The following RORA variants were observed in gnomAD, a reference collection of about 807,000 sequenced individuals.
RORA encodes RAR related orphan receptor A.
RORA carries 7 observed loss-of-function variants against 69.5 expected under a neutral mutation model. The observed-to-expected ratio is 0.10, with a 90% CI of 0.06 to 0.19. The LOEUF is 0.19. Ranked by LOEUF, RORA falls within the 10% of genes least tolerant of loss-of-function variation. RORA has a pLI of 1.00. For missense variants in RORA, 457 were observed against 663.0 expected (o/e 0.69, Z 3.41); for synonymous variants, 261 against 240.8 (o/e 1.08, Z -0.78).
intron 2 of RORA, among the ~76,000 whole-genome samples, chr15:60,568,048 T>C (rs921808875): frequency 3.3e-5 from 5 of 152,174 alleles, no homozygotes; most frequent in Admixed American, 6.5e-5. Context: ...CACTCTCGAA[T>C]TGTATTAATC....
At position 60,869,162 on chromosome 15, in the gene RORA, A is replaced by C. The variant is rs187527028; in HGVS notation, c.167-190476T>G. Among the ~76,000 whole-genome samples the C allele has an allele frequency of 2.3e-3, 354 of 152,326 alleles. 1 individual carries two copies. The highest frequency in any genetic ancestry group is 3.5e-3 in the Non-Finnish European group (236 of 68,030). On this transcript the variant is annotated intron_variant, in intron 1 of 10. Transcript: ENST00000335670. ...ATATTTTGGCTGAAATGACCATAAAATTGCAGGTCCTCAGTGCAGCCAAGG... is the reference window on the plus strand; with the variant it reads ...ATATTTTGGCTGAAATGACCATAAACTTGCAGGTCCTCAGTGCAGCCAAGG...
intron 1 of RORA, among the ~76,000 whole-genome samples, chr15:60,935,247 T>C (rs915918148): frequency 2.6e-5 from 4 of 152,248 alleles, no homozygotes; most frequent in Non-Finnish European, 5.9e-5. Context: ...TTGCCTGTAA[T>C]TGGCTGGATA....
intron 1 of RORA, among the ~76,000 whole-genome samples, chr15:61,168,678 T>C (rs1441462029): frequency 1.6e-4 from 25 of 152,192 alleles, no homozygotes; most frequent in Admixed American, 1.6e-3. Context: ...TCTTTCCTTG[T>C]CATTAAATGA....
chr15:60,688,394 A>C, intron 1 of RORA, among the ~76,000 whole-genome samples: 1 of 152,308 alleles, frequency 6.6e-6, no homozygotes, highest in Middle Eastern at 3.4e-3. Flanking sequence ...CACCTGTACA[A>C]ATAAAATTAT....
intron 1 of RORA, among the ~76,000 whole-genome samples, chr15:61,209,292 C>A (rs1229025566): frequency 6.6e-6 from 1 of 151,496 alleles, no homozygotes. Flanking sequence ...AATTCACACA[C>A]TCTAATTTAA....
intron 3 of RORA, among the ~76,000 whole-genome samples, chr15:60,525,186 C>G (rs568833865): frequency 5.9e-5 from 9 of 152,264 alleles, no homozygotes; most frequent in Admixed American, 5.9e-4. Flanking sequence ...GTATCAAATA[C>G]CAGGTTTCCA....
intron 1 of RORA, among the ~76,000 whole-genome samples, chr15:61,008,209 G>C (rs375873985): frequency 0.14 from 18,267 of 131,728 alleles, 1,091 homozygotes; most frequent in Non-Finnish European, 0.18. Flanking sequence ...CTCTCTGTGT[G>C]TGTGTGTGTG....
intron 1 of RORA, among the ~76,000 whole-genome samples, chr15:60,761,435 T>C (rs546653996): frequency 3.3e-5 from 5 of 152,214 alleles, no homozygotes; most frequent in Admixed American, 1.3e-4. Context: ...ACATCAATTA[T>C]CTTATGGTAA....
intron 1 of RORA, among the ~76,000 whole-genome samples, chr15:60,778,354 G>T (rs916974420): frequency 6.6e-6 from 1 of 151,636 alleles, no homozygotes; most frequent in South Asian, 2.1e-4. Flanking sequence ...TCTAACGAAA[G>T]GGCACCCCCC....
chr15:60,878,426 G>A lies in RORA; in HGVS notation c.167-199740C>T, dbSNP rs1011422300. ...TTTCTCCTCACCAGCCTCACCCTCT[G>A]GGGACACAGAGAGAGCTACAAATTT... On this transcript the variant is annotated intron_variant, in intron 1 of 10. Transcript: ENST00000335670. 1.1e-4 allele frequency among the ~76,000 whole-genome samples: 16 copies of A among 151,980 alleles called. No individual in the cohort carries two copies. In the East Asian group the frequency reaches 2.3e-3, roughly 22 times the overall value.
At chr15:60,923,905 G>A (rs1438174787) in intron 1 of RORA, among the ~76,000 whole-genome samples, 1 of 152,196 alleles carries the variant, frequency 6.6e-6, no homozygotes, top group Non-Finnish European at 1.5e-5. Context: ...GGGCTCAGAA[G>A]CCTTCTCTTT....
At chr15:60,788,818 C>T (rs896531563) in intron 1 of RORA, among the ~76,000 whole-genome samples, 34 of 152,252 alleles carry the variant, frequency 2.2e-4, no homozygotes, top group Non-Finnish European at 4.8e-4. Context: ...AAGCCCCTGT[C>T]CCGCTTAATA....
At chr15:60,639,977 C>T (rs952193817) in intron 2 of RORA, among the ~76,000 whole-genome samples, 1 of 152,178 alleles carries the variant, frequency 6.6e-6, no homozygotes, top group Non-Finnish European at 1.5e-5. Context: ...CTTTGGAAAA[C>T]ACTGTTGTAT....
intron 1 of RORA, among the ~76,000 whole-genome samples, chr15:60,688,410 T>G (rs1283616418): frequency 6.6e-6 from 1 of 152,116 alleles, no homozygotes; most frequent in Non-Finnish European, 1.5e-5. Context: ...ATTATAATAA[T>G]AAGAAAGAAA....
chr15:60,899,713 C>T (rs1891333080), intron 1 of RORA, among the ~76,000 whole-genome samples: 1 of 152,234 alleles, frequency 6.6e-6, no homozygotes, highest in Non-Finnish European at 1.5e-5. Context: ...GCACTTCAAA[C>T]TAAACCAACG....
chr15:60,570,744 G>C (rs750224049), intron 2 of RORA, among the ~76,000 whole-genome samples: 28 of 152,176 alleles, frequency 1.8e-4, no homozygotes, highest in Non-Finnish European at 3.2e-4. Flanking sequence ...TGCCGTCATA[G>C]ATTCAATTAG....
At chr15:61,159,715 G>C (rs1192089931) in intron 1 of RORA, among the ~76,000 whole-genome samples, 2 of 152,156 alleles carry the variant, frequency 1.3e-5, no homozygotes, top group African/African-American at 2.4e-5. Context: ...ACTGCATTTT[G>C]AATGTGCAAT....
At chr15:60,969,997 C>T (rs1339538764) in intron 1 of RORA, among the ~76,000 whole-genome samples, 1 of 152,184 alleles carries the variant, frequency 6.6e-6, no homozygotes. Context: ...TGCACTCTTG[C>T]ACGCGCACTC....
intron 1 of RORA, among the ~76,000 whole-genome samples, chr15:61,014,514 A>G (rs908797967): frequency 6.6e-6 from 1 of 152,176 alleles, no homozygotes; most frequent in Non-Finnish European, 1.5e-5. Context: ...TTTGACTTCT[A>G]TTCCTGTCTT....
Sources: allele counts gnomAD v4.1 joint callset (sites outside exome capture counted in the v4.1 genomes callset), GRCh38; gene constraint gnomAD v4.1.1; transcripts MANE v1.5; gene names NCBI Gene and HGNC (gene_info 2026-07-23, HGNC 2026-07-21).